Variants in ERCC6 observed in about 807,000 individuals in gnomAD.
ERCC6 encodes the protein ERCC excision repair 6, chromatin remodeling factor.
In ERCC6, 116 loss-of-function variants were observed where a neutral mutation model predicts 158.7. The ratio of observed to expected loss-of-function variants is 0.73; its 90% CI spans 0.63 to 0.85. ERCC6 has a LOEUF of 0.85. Among genes scored for constraint, ERCC6 ranks in the 40% least tolerant of loss-of-function variants. The pLI is 0.00. For synonymous variants in ERCC6, 678 were observed against 659.3 expected (o/e 1.03, Z -0.43); for missense variants, 1,698 against 1,799.4 (o/e 0.94, Z 1.02).
At chr10:49,476,970 CA>C (rs917697969) in intron 11 of ERCC6, among the ~76,000 whole-genome samples, 39 of 152,258 alleles carry the variant, frequency 2.6e-4, no homozygotes, top group African/African-American at 8.4e-4. Context: ...ACTCAACCAT[CA>C]GTCTTCTGCA....
chr10:49,520,047 T>C (rs1246393591), intron 5 of ERCC6, among the ~76,000 whole-genome samples: 1 of 152,234 alleles, frequency 6.6e-6, no homozygotes, highest in Non-Finnish European at 1.5e-5. Context: ...CTCCCCTGTG[T>C]ACATACAACT....
rs187628326 is a variant in ERCC6, at chr10:49,464,503, G to A, written c.3779-2947C>T. ...GCTGCAGAAATTTGCATTACGTAAC[G>A]AGGAGCCAAATGTTAATCCCCAAGA... On this transcript the variant is annotated intron_variant, in intron 18 of 20. Coordinates refer to ENST00000355832, the MANE Select transcript of ERCC6 (RefSeq NM_000124.4). 2.2e-3 allele frequency among the ~76,000 whole-genome samples: 341 copies of A among 152,332 alleles called. 3 individuals are homozygous for A. The highest frequency in any genetic ancestry group is 2.9e-3 in the Non-Finnish European group (194 of 68,032).
At chr10:49,476,389 C>T in intron 11 of ERCC6, 79 bp from the exon 12 acceptor site, 1 of 1,001,772 alleles carries the variant, frequency 1.0e-6, no homozygotes, top group South Asian at 1.4e-5. Flanking sequence ...ACAAAACTTC[C>T]TGATCAAAAG....
chr10:49,513,547 T>A (rs766208632), intron 5 of ERCC6, among the ~76,000 whole-genome samples: 2 of 152,140 alleles, frequency 1.3e-5, no homozygotes, highest in African/African-American at 4.8e-5. Flanking sequence ...GAGGTTTAAT[T>A]GACTCACAAT....
chr10:49,494,293 A>G (rs1247616641), intron 7 of ERCC6, among the ~76,000 whole-genome samples: 1 of 152,236 alleles, frequency 6.6e-6, no homozygotes, highest in Non-Finnish European at 1.5e-5. Context: ...AGATTAAATC[A>G]GTTAACATCT....
At chr10:49,446,895 A>T in the ERCC6 span, among the ~76,000 whole-genome samples, 1 of 152,244 alleles carries the variant, frequency 6.6e-6, no homozygotes, top group Non-Finnish European at 1.5e-5. Flanking sequence ...GCAAATGAGG[A>T]GAGGCAGTAT....
intron 5 of ERCC6, chr10:49,516,062 G>A (rs1265580720): frequency 1.2e-6 from 2 of 1,614,078 alleles, no homozygotes; most frequent in Admixed American, 3.3e-5. Context: ...AAAAGTTATT[G>A]AATACAAAAT....
intron 7 of ERCC6, among the ~76,000 whole-genome samples, chr10:49,494,330 A>G (rs1851228412): frequency 6.6e-6 from 1 of 152,270 alleles, no homozygotes; most frequent in Admixed American, 6.5e-5. Context: ...AGGACCATAT[A>G]GAAAATACTA....
chr10:49,539,514 T>C (rs1837686834), upstream of ERCC6: 1 of 152,342 alleles, frequency 6.6e-6, no homozygotes, highest in African/African-American at 2.4e-5. Context: ...TGCTTCTCTG[T>C]TCCCCCTCCG....
rs143694071 is a variant in ERCC6 at position 49,517,478 on chromosome 10, C to T, written c.1397+6555G>A. 3.1e-3 allele frequency among the ~76,000 whole-genome samples: 469 copies of T among 152,282 alleles called. 5 individuals are homozygous for T. The highest frequency in any genetic ancestry group is 7.7e-3 in the East Asian group (40 of 5,170). On this transcript the variant is annotated intron_variant, in intron 5 of 20. Transcript: ENST00000355832. The stretch of plus-strand genomic sequence containing the variant: ...GGCAGACATGTGTGAAAAATCAGAC[C>T]TTGGCAATGACCTTGAGCAGTAGGG...
intron 1 of ERCC6, among the ~76,000 whole-genome samples, chr10:49,534,240 T>C (rs1459557227): frequency 6.8e-6 from 1 of 147,496 alleles, no homozygotes; most frequent in African/African-American, 2.5e-5. Context: ...ATAAATCCAA[T>C]ACAGACAAGG....
chr10:49,512,065 TTTAA>T (rs748890892), intron 5 of ERCC6, among the ~76,000 whole-genome samples: 3 of 152,144 alleles, frequency 2.0e-5, no homozygotes, highest in African/African-American at 4.8e-5. Context: ...ATTGAGAAAT[TTTAA>T]TTAATTGCAG....
In ERCC6 at chr10:49,524,027, A is replaced by G. The variant is rs755144269; in HGVS notation, c.1397+6T>C. On this transcript the variant is annotated splice_donor_region_variant and intron_variant, in intron 5 of 20. Transcript: ENST00000355832. ...TACAATGTATTTATAATCCCCACAG[A>G]CCGACCTTAACCGCTGCTTATAATA... 1.9e-6 allele frequency: 3 copies of G among 1,612,824 alleles called. No individual in the cohort carries two copies. The African/African-American group carries it at 4.0e-5, about 22-fold the overall frequency.
In ERCC6 at chr10:49,524,662, C is replaced by T. The variant is rs1340061966; in HGVS notation, c.768G>A (p.Gln256=). The change falls in exon 5 of 21, where the codon CAG becomes CAA. Residue 256 remains glutamine (Q), a synonymous_variant. Coordinates refer to ENST00000355832, the MANE Select transcript of ERCC6 (RefSeq NM_000124.4). ...TPFGTQIPQK[Q]EKKPRKIMLN... is the part of the protein sequence containing the mutation. ...GCATGATTTTTCTGGGCTTTTTCTC[C>T]TGTTTCTGAGGGATCTGGGTACCAA... 1 of 1,613,850 alleles carries T rather than the reference C, an allele frequency of 6.2e-7. No individual in the cohort carries two copies. Among genetic ancestry groups the T allele is most frequent in the Non-Finnish European group, 8.5e-7 (1 of 1,180,024 alleles).
At chr10:49,470,022 T>C (rs1053143925) in intron 18 of ERCC6, among the ~76,000 whole-genome samples, 160 bp downstream of exon 18, 1 of 152,218 alleles carries the variant, frequency 6.6e-6, no homozygotes, top group Non-Finnish European at 1.5e-5. Flanking sequence ...GTAAATACGA[T>C]TTTTAAAATG....
At chr10:49,516,960 T>C in intron 5 of ERCC6, 1 of 1,614,068 alleles carries the variant, frequency 6.2e-7, no homozygotes, top group Non-Finnish European at 8.5e-7. Context: ...ACCTGGCAGA[T>C]TATTTATTGT....
At chr10:49,506,249 GT>G in intron 5 of ERCC6, 1 of 543,696 alleles carries the variant, frequency 1.8e-6, no homozygotes, top group South Asian at 2.2e-5. Flanking sequence ...TTTCTTTAAG[GT>G]CTCATTTCAT....
chr10:49,470,922 T>C (rs1226752210), intron 17 of ERCC6, 33 bp from the exon 18 acceptor site: 2 of 1,613,640 alleles, frequency 1.2e-6, no homozygotes, highest in Admixed American at 1.7e-5. Context: ...TAATACTATA[T>C]TGTATCATCT....
intron 7 of ERCC6, among the ~76,000 whole-genome samples, chr10:49,500,294 G>A (rs1270846656): frequency 6.6e-6 from 1 of 152,000 alleles, no homozygotes. Context: ...ATCTAGTGGG[G>A]CTCATCTGCA....
Sources: gnomAD v4.1 joint callset for allele counts (sites outside exome capture counted in the v4.1 genomes callset) on GRCh38, gnomAD v4.1.1 for gene constraint, MANE v1.5 for transcripts, NCBI Gene and HGNC (gene_info 2026-07-23, HGNC 2026-07-21) for gene names.